The following UQCC4 variants were observed in gnomAD, a reference collection of about 807,000 sequenced individuals.
The protein encoded by UQCC4 is ubiquinol-cytochrome c reductase complex assembly factor 4, also known as cattle cerebrum and skeletal muscle-specific protein 1 family member.
At chr16:1,419,957 G>C in the UQCC4 span, 3 of 1,548,166 alleles carry the variant, frequency 1.9e-6, no homozygotes, top group South Asian at 1.1e-5. Flanking sequence ...GTTATACAAA[G>C]ACTTGGCAAA....
chr16:1,420,733 G>T, the UQCC4 span: 15 of 1,537,158 alleles, frequency 9.8e-6, no homozygotes, highest in Non-Finnish European at 1.3e-5. Context: ...TTGCTGCCTT[G>T]ACTCCTCGAC....
At chr16:1,419,918 C>A in the UQCC4 span, 2 of 1,459,568 alleles carry the variant, frequency 1.4e-6, no homozygotes, top group Non-Finnish European at 1.9e-6. Flanking sequence ...TGACAAGTGT[C>A]ACCAGAAGTG....
At chr16:1,420,492 C>T in the UQCC4 span, 1 of 1,614,278 alleles carries the variant, frequency 6.2e-7, no homozygotes, top group African/African-American at 1.3e-5. Flanking sequence ...TGGAGGAAAA[C>T]TCAATGGGGC....
chr16:1,420,434 C>G, the UQCC4 span: 2 of 1,614,262 alleles, frequency 1.2e-6, no homozygotes, highest in Non-Finnish European at 1.7e-6. Context: ...CGCTGATGTC[C>G]CTTTCCCATG....
chr16:1,419,903 C>G, the UQCC4 span: 2 of 1,428,476 alleles, frequency 1.4e-6, no homozygotes, highest in African/African-American at 1.4e-5. Context: ...CAAACTAACA[C>G]TGGATGACAA....
At chr16:1,420,401 G>A in the UQCC4 span, 1 of 1,614,254 alleles carries the variant, frequency 6.2e-7, no homozygotes, top group Non-Finnish European at 8.5e-7. Context: ...AAGCAGCTGA[G>A]GGGCAGCACC....
At chr16:1,419,998 C>G in the UQCC4 span, 1 of 1,599,750 alleles carries the variant, frequency 6.3e-7, no homozygotes, top group South Asian at 1.1e-5. Flanking sequence ...CTGAAACCTT[C>G]CCCAAGGATC....
At chr16:1,420,692 C>G in the UQCC4 span, 1 of 1,545,586 alleles carries the variant, frequency 6.5e-7, no homozygotes, top group East Asian at 2.4e-5. Context: ...AGGAGCTCAC[C>G]CGGCCGCCGG....
chr16:1,420,605 G>A, the UQCC4 span: 5 of 1,573,484 alleles, frequency 3.2e-6, no homozygotes, highest in Admixed American at 1.9e-5. Context: ...CTCAGCGCCC[G>A]GACGGCCCTG....
the UQCC4 span, chr16:1,420,176 G>C: frequency 1.9e-6 from 3 of 1,614,082 alleles, no homozygotes; most frequent in Non-Finnish European, 2.5e-6. Context: ...GGACAGTCAC[G>C]GGCAAACGTG....
At chr16:1,420,437 T>C in the UQCC4 span, 1 of 1,614,132 alleles carries the variant, frequency 6.2e-7, no homozygotes, top group African/African-American at 1.3e-5. Flanking sequence ...TGATGTCCCT[T>C]TCCCATGGTA....
the UQCC4 span, chr16:1,420,679 T>C: frequency 1.3e-6 from 2 of 1,547,898 alleles, no homozygotes; most frequent in Non-Finnish European, 1.7e-6. Flanking sequence ...CTCCGAGACC[T>C]TGAGGAGCTC....
chr16:1,420,239 C>T, the UQCC4 span: 1 of 1,613,402 alleles, frequency 6.2e-7, no homozygotes, highest in South Asian at 1.1e-5. Flanking sequence ...CCCCAGCGGG[C>T]ACCCCGTCAA....
At chr16:1,420,006 A>G in the UQCC4 span, 1 of 1,604,074 alleles carries the variant, frequency 6.2e-7, no homozygotes, top group Middle Eastern at 1.7e-4. Context: ...TTCCCCAAGG[A>G]TCTGAGAAGT....
chr16:1,420,187 A>G, the UQCC4 span: 6 of 1,614,018 alleles, frequency 3.7e-6, no homozygotes, highest in Non-Finnish European at 5.1e-6. Flanking sequence ...GGCAAACGTG[A>G]CATCAAATCC....
chr16:1,420,730 C>T, the UQCC4 span: 1,010 of 1,538,006 alleles, frequency 6.6e-4, 1 homozygote, highest in Middle Eastern at 3.8e-3. Flanking sequence ...TCATTGCTGC[C>T]TTGACTCCTC....
At chr16:1,420,702 G>A in the UQCC4 span, 7 of 1,543,518 alleles carry the variant, frequency 4.5e-6, no homozygotes, top group Non-Finnish European at 5.2e-6. Flanking sequence ...CCGGCCGCCG[G>A]GGCACACAAG....
the UQCC4 span, chr16:1,419,914 G>C: frequency 2.1e-6 from 3 of 1,450,820 alleles, no homozygotes; most frequent in Non-Finnish European, 2.8e-6. Flanking sequence ...TGGATGACAA[G>C]TGTCACCAGA....
chr16:1,419,799 A>G, the UQCC4 span: 2 of 798,412 alleles, frequency 2.5e-6, no homozygotes, highest in Non-Finnish European at 3.4e-6. Flanking sequence ...GTTGTGTAAA[A>G]CTCACATGTG....
Sources: allele counts gnomAD v4.1 joint callset, GRCh38; gene constraint gnomAD v4.1.1; transcripts MANE v1.5; gene names NCBI Gene and HGNC (gene_info 2026-07-23, HGNC 2026-07-21).